The following BLMH variants were observed in gnomAD, a reference collection of about 807,000 sequenced individuals.
BLMH encodes BLM hydrolase.
BLMH carries 32 observed loss-of-function variants against 61.6 expected under a neutral mutation model. The observed-to-expected ratio is 0.52, with a 90% CI of 0.39 to 0.70. The LOEUF is 0.70. Among genes scored for constraint, BLMH ranks in the 30% least tolerant of loss-of-function variants. The pLI, the probability that BLMH is intolerant of heterozygous loss-of-function variation, is 0.00. For synonymous variants in BLMH, 183 were observed against 193.8 expected, an observed-to-expected ratio of 0.94 and a Z score of 0.46; for missense variants, 460 against 555.5, an observed-to-expected ratio of 0.83 and a Z score of 1.73.
At chr17:30,255,904 AG>A (rs1417467351) in intron 11 of BLMH, among the ~76,000 whole-genome samples, 1 of 152,132 alleles carries the variant, frequency 6.6e-6, no homozygotes, top group Non-Finnish European at 1.5e-5. Flanking sequence ...CTCAAAAAAA[AG>A]AGAGAGAGAC....
intron 6 of BLMH, among the ~76,000 whole-genome samples, chr17:30,284,441 G>A (rs556207367): frequency 4.6e-5 from 7 of 152,256 alleles, no homozygotes; most frequent in Non-Finnish European, 8.8e-5. Flanking sequence ...GTTTTCCATC[G>A]CAGTGAAAAA....
chr17:30,248,676 G>A lies in BLMH; in HGVS notation c.*341C>T, dbSNP rs778706323. 2.1e-5 allele frequency: 5 copies of A among 235,092 alleles called. No homozygotes were observed. The highest frequency in any genetic ancestry group is 1.1e-4 in the East Asian group (1 of 8,982). 14.6% of individuals were successfully genotyped at this position (235,092 alleles called of 1,614,324 possible). ...TGTTTTCTCTCCATACACCTCAATC[G>A]CTCGTCCTCTCGTCTTATTAAAACA... On this transcript the variant is annotated 3_prime_UTR_variant, in exon 12 of 12. Coordinates refer to ENST00000261714, the MANE Select transcript of BLMH (RefSeq NM_000386.4).
chr17:30,261,119 A>G (rs1315686621), intron 11 of BLMH, among the ~76,000 whole-genome samples: 1 of 152,186 alleles, frequency 6.6e-6, no homozygotes, highest in East Asian at 1.9e-4. Context: ...ATTGTACTAG[A>G]GATCCAGAAC....
chr17:30,281,672 A>AT (rs1908597067), intron 6 of BLMH, among the ~76,000 whole-genome samples: 1 of 151,892 alleles, frequency 6.6e-6, no homozygotes, highest in East Asian at 1.9e-4. Context: ...ACCCTGAAAA[A>AT]TTTTTTGTTT....
intron 6 of BLMH, among the ~76,000 whole-genome samples, chr17:30,280,895 A>G (rs186405285): frequency 1.3e-5 from 2 of 152,264 alleles, no homozygotes; most frequent in African/African-American, 2.4e-5. Context: ...AAACAGCTCA[A>G]CTTTGAAAAA....
At chr17:30,249,957 G>C (rs768922301) in intron 11 of BLMH, 3 of 152,138 alleles carry the variant, frequency 2.0e-5, no homozygotes. Flanking sequence ...GGTGTCATCG[G>C]GTACCCATCC....
At position 30,271,313 on chromosome 17, in the gene BLMH, T is replaced by C. The variant is rs1446846251; in HGVS notation, c.1104A>G (p.Ser368=). 6.2e-7 allele frequency: 1 copy of C among 1,614,144 alleles called. No homozygotes were observed. The highest frequency in any genetic ancestry group is 2.2e-5 in the East Asian group (1 of 44,892). ...TGAAGGTCATGGCGTGGGTCATAAG[T>C]GACTCACCAAAAGTCAGCCTCTCCG... ...NKAERLTFGE[S]LMTHAMTFTA... Residue 368 remains serine, a synonymous_variant, in exon 10 of 12, where the codon TCA becomes TCG. Coordinates refer to ENST00000261714, the MANE Select transcript of BLMH (RefSeq NM_000386.4).
At chr17:30,281,609 G>A (rs1238573550) in intron 6 of BLMH, among the ~76,000 whole-genome samples, 8 of 151,880 alleles carry the variant, frequency 5.3e-5, no homozygotes, top group East Asian at 3.8e-4. Flanking sequence ...ACTTTTCCTC[G>A]TCCTCCACAT....
rs1356421485 is a variant in BLMH, at chr17:30,285,442, G to A, written c.591C>T (p.His197=). The A allele has an allele frequency of 1.2e-6, 2 of 1,612,892 alleles. No individual in the cohort carries two copies. The highest frequency in any genetic ancestry group is 1.7e-6 in the Non-Finnish European group (2 of 1,179,410). ...EFCIRLRNLV[H]SGATKGEISA... Reference sequence around the variant, plus strand: ...AGATTTCTCCTTTGGTTGCTCCACTGTGTACCAGGTTCCGCAGTCGTATAC... The same window carrying A: ...AGATTTCTCCTTTGGTTGCTCCACTATGTACCAGGTTCCGCAGTCGTATAC... The change falls in exon 6 of 12, where the codon CAC becomes CAT. Residue 197 remains histidine, a synonymous_variant. Coordinates refer to ENST00000261714, the MANE Select transcript of BLMH (RefSeq NM_000386.4).
intron 11 of BLMH, among the ~76,000 whole-genome samples, chr17:30,257,218 T>C (rs1436045443): frequency 6.6e-6 from 1 of 152,220 alleles, no homozygotes; most frequent in East Asian, 1.9e-4. Flanking sequence ...CAATACTGTT[T>C]GTAATAGCAA....
chr17:30,272,806 G>C lies in BLMH; in HGVS notation c.895C>G (p.Leu299Val), dbSNP rs545665212. 1.9e-6 allele frequency: 3 copies of C among 1,614,160 alleles called. No homozygotes were observed. Among genetic ancestry groups the C allele is most frequent in the South Asian group, 1.1e-5 (1 of 91,080 alleles). Residue 299 changes from leucine (L) to valine (V), a missense_variant, in exon 8 of 12, where the codon CTA becomes GTA. Physicochemically the swap from Leu to Val is conservative, Grantham distance 32. Around this residue, in one of 5 missense-constraint regions of BLMH, gnomAD observed 310 missense variants for 371.1 expected, o/e 0.84. Transcript: ENST00000261714. ...AAGTCAATGGGCTGGTTGTTGTATA[G>C]AGTTTTTCTCCCTCCAACCATATTG... is the stretch of plus-strand genomic sequence containing the variant. Reference protein sequence around the residue: ...LSNMVGGRKTLYNNQPIDFLK... With the variant: ...LSNMVGGRKTVYNNQPIDFLK...
chr17:30,266,126 T>C (rs533836859), intron 11 of BLMH, among the ~76,000 whole-genome samples: 2 of 152,290 alleles, frequency 1.3e-5, no homozygotes, highest in South Asian at 4.1e-4. Flanking sequence ...ACTTTAGGTA[T>C]GACAACTTCT....
At chr17:30,259,445 G>A (rs765574122) in intron 11 of BLMH, among the ~76,000 whole-genome samples, 5 of 151,952 alleles carry the variant, frequency 3.3e-5, no homozygotes, top group South Asian at 2.1e-4. Context: ...CTTCCTAGGC[G>A]CTCTCTCCAA....
chr17:30,287,981 GA>G (rs1567840036), intron 3 of BLMH, 34 bp from the exon 4 acceptor site: 4 of 1,571,126 alleles, frequency 2.5e-6, no homozygotes, highest in Non-Finnish European at 3.5e-6. Flanking sequence ...AACATTAAAA[GA>G]AAAAAGTGTC....
In BLMH at chr17:30,249,048, G is replaced by C; in HGVS notation, c.1337C>G (p.Ala446Gly). Residue 446 changes from alanine to glycine, a missense_variant, in exon 12 of 12, where the codon GCA (alanine) becomes GGA (glycine). By Grantham distance (60) the Ala-to-Gly change is moderately conservative. Around this residue, in one of 5 missense-constraint regions of BLMH, gnomAD observed 310 missense variants for 371.1 expected, o/e 0.84. Coordinates refer to ENST00000261714, the MANE Select transcript of BLMH (RefSeq NM_000386.4). ...VLEQEPIILPAWDPMGALAE is the reference protein window; with the variant it reads ...VLEQEPIILPGWDPMGALAE ...AGCCAAAGCTCCCATGGGGTCCCAT[G>C]CTGGCAGGATAATGGGTTCCTGCTC... is the stretch of plus-strand genomic sequence containing the variant. 6.2e-7 allele frequency: 1 copy of C among 1,614,108 alleles called. No homozygotes were observed. The highest frequency in any genetic ancestry group is 8.5e-7 in the Non-Finnish European group (1 of 1,179,982).
chr17:30,276,548 T>C (rs1456837900), intron 6 of BLMH, among the ~76,000 whole-genome samples: 1 of 152,224 alleles, frequency 6.6e-6, no homozygotes, highest in Non-Finnish European at 1.5e-5. Context: ...ATGACACAGA[T>C]ACACCAGTTG....
chr17:30,275,673 G>A (rs999075866), intron 6 of BLMH, among the ~76,000 whole-genome samples: 3 of 151,532 alleles, frequency 2.0e-5, no homozygotes, highest in Non-Finnish European at 4.4e-5. Context: ...GGGACAGGGC[G>A]AGACTCCATC....
At chr17:30,261,692 T>G (rs1009020751) in intron 11 of BLMH, among the ~76,000 whole-genome samples, 2 of 152,222 alleles carry the variant, frequency 1.3e-5, no homozygotes, top group Non-Finnish European at 2.9e-5. Context: ...AACATAGCAT[T>G]TTATGAAGAA....
chr17:30,291,643 C>A, intron 1 of BLMH, 135 bp from the exon 2 acceptor site: 1 of 1,387,900 alleles, frequency 7.2e-7, no homozygotes, highest in Non-Finnish European at 9.7e-7. Flanking sequence ...TAAGCGGCAT[C>A]CTCCTCCAAG....
Sources: gnomAD v4.1 joint callset for allele counts (sites outside exome capture counted in the v4.1 genomes callset) on GRCh38, gnomAD v4.1.1 for gene constraint, gnomAD v4.1.1 regional missense constraint, MANE v1.5 for transcripts, NCBI Gene and HGNC (gene_info 2026-07-23, HGNC 2026-07-21) for gene names.